Variants in MAP3K3 observed in about 807,000 individuals in gnomAD.
MAP3K3 encodes MAP/ERK kinase kinase 3.
In MAP3K3, 12 loss-of-function variants were observed where a neutral mutation model predicts 80.9. That is an observed-to-expected ratio of 0.15 (90% CI 0.10 to 0.24). The LOEUF (loss-of-function observed/expected upper bound fraction) is 0.24. MAP3K3 is among the 10% of genes least tolerant of loss of function. The pLI is 1.00. For synonymous variants in MAP3K3, 272 were observed against 307.1 expected (o/e 0.89, Z 1.19); for missense variants, 596 against 834.7 (o/e 0.71, Z 3.52).
intron 4 of MAP3K3, among the ~76,000 whole-genome samples, chr17:63,656,441 A>G (rs1385342357): frequency 1.6e-5 from 2 of 127,570 alleles, no homozygotes; most frequent in Non-Finnish European, 3.4e-5. Flanking sequence ...AGTCTCTACT[A>G]AAAAAAAAAA....
intron 6 of MAP3K3, among the ~76,000 whole-genome samples, chr17:63,673,433 T>C (rs1483693658): frequency 6.6e-6 from 1 of 152,106 alleles, no homozygotes; most frequent in African/African-American, 2.4e-5. Flanking sequence ...AAGTAATGAG[T>C]TAATCCAAAG....
chr17:63,689,399 G>C lies in MAP3K3; in HGVS notation c.872-145G>C. 1 of 654,148 alleles carries C rather than the reference G, an allele frequency of 1.5e-6. No homozygotes were observed. The highest frequency in any genetic ancestry group is 2.6e-6 in the Non-Finnish European group (1 of 384,232). The allele number at this position is 654,148 out of a possible 1,614,324, so 40.5% of individuals were successfully genotyped here. Reference sequence around the variant, plus strand: ...GGTGGGAGTGCGGACGGGATGGGCTGGAGCTGGTATTATCTATCACTTCTG... The same window carrying C: ...GGTGGGAGTGCGGACGGGATGGGCTCGAGCTGGTATTATCTATCACTTCTG... On this transcript the variant is annotated intron_variant, in intron 10 of 15. Coordinates refer to ENST00000361733, the MANE Select transcript of MAP3K3 (RefSeq NM_002401.5). This position sits in a 1 kb window ranked among gnomAD's most constrained non-coding sequence, Gnocchi z 4.3.
intron 11 of MAP3K3, 154 bp from the exon 12 acceptor site, chr17:63,690,110 G>A (rs2035553197): frequency 9.4e-6 from 8 of 848,492 alleles, no homozygotes; most frequent in Non-Finnish European, 3.7e-6. Context: ...CTAGGGCACT[G>A]GGCTTGCTCC....
chr17:63,677,461 CTT>C (rs1229049708), intron 6 of MAP3K3, among the ~76,000 whole-genome samples: 1 of 152,182 alleles, frequency 6.6e-6, no homozygotes, highest in African/African-American at 2.4e-5. Context: ...CATGATAAGA[CTT>C]AGGAAAACCA....
intron 5 of MAP3K3, among the ~76,000 whole-genome samples, chr17:63,663,174 G>A (rs1243094681): frequency 6.6e-6 from 1 of 152,120 alleles, no homozygotes; most frequent in East Asian, 1.9e-4. Flanking sequence ...TTTTCAAGGA[G>A]TTGGAGTCAC....
At chr17:63,690,872 G>T in intron 12 of MAP3K3, 1 of 564,150 alleles carries the variant, frequency 1.8e-6, no homozygotes, top group Non-Finnish European at 3.2e-6. Context: ...AAGCACCCAC[G>T]GCCCCTTCTC....
At chr17:63,671,786 A>G (rs2035114183) in intron 6 of MAP3K3, among the ~76,000 whole-genome samples, 1 of 152,194 alleles carries the variant, frequency 6.6e-6, no homozygotes, top group Non-Finnish European at 1.5e-5. Context: ...AGTAAATATC[A>G]GTTGATATAT....
chr17:63,689,464 G>T lies in MAP3K3; in HGVS notation c.872-80G>T, dbSNP rs943273891. On this transcript the variant is annotated intron_variant, in intron 10 of 15. Transcript: ENST00000361733. The surrounding 1 kb of genome is among the most constrained non-coding windows in gnomAD (Gnocchi z 4.3). ...TGTATATTCCGCCTTGTAGCCCGGG[G>T]TGTCTCAGACCTGGTTTGTACGTTC... is the stretch of plus-strand genomic sequence containing the variant. 3 of 1,244,306 alleles carry T rather than the reference G, an allele frequency of 2.4e-6. No homozygotes were observed. The highest frequency in any genetic ancestry group is 3.4e-6 in the Non-Finnish European group (3 of 891,150). The allele number at this position is 1,244,306 out of a possible 1,614,324, so 77.1% of individuals were successfully genotyped here.
intron 6 of MAP3K3, among the ~76,000 whole-genome samples, chr17:63,670,211 A>T (rs1312854019): frequency 1.3e-5 from 2 of 152,156 alleles, no homozygotes; most frequent in African/African-American, 2.4e-5. Context: ...GGAAAGACAG[A>T]CATTTACTTC....
At position 63,689,231 on chromosome 17, in the gene MAP3K3, G is replaced by C. The variant is rs930383719; in HGVS notation, c.872-313G>C. 1.9e-6 allele frequency: 1 copy of C among 526,268 alleles called. No individual in the cohort carries two copies. The highest frequency in any genetic ancestry group is 2.3e-5 in the South Asian group (1 of 42,774). The allele number at this position is 526,268 out of a possible 1,614,324, so 32.6% of individuals were successfully genotyped here. On this transcript the variant is annotated intron_variant, in intron 10 of 15. Coordinates refer to ENST00000361733, the MANE Select transcript of MAP3K3 (RefSeq NM_002401.5). This position sits in a 1 kb window ranked among gnomAD's most constrained non-coding sequence, Gnocchi z 4.3. ...AAATCAGTGCCTTCGGGTGTGGCTT[G>C]GCCTTGCAAGCAATTGGGAGCCTGT...
rs1302371138 is a variant in MAP3K3, at chr17:63,693,000, C to T, written c.1653-549C>T. 1.3e-5 allele frequency among the ~76,000 whole-genome samples: 2 copies of T among 152,150 alleles called. No individual in the cohort carries two copies. The highest frequency in any genetic ancestry group is 2.9e-5 in the Non-Finnish European group (2 of 68,034). ...ATTAAGGGTCCTTACAGAAGGGTCT[C>T]AAGAGGTCAGAGTGGCTAATAGGAG... On this transcript the variant is annotated intron_variant, in intron 15 of 15. Coordinates refer to ENST00000361733, the MANE Select transcript of MAP3K3 (RefSeq NM_002401.5). The surrounding 1 kb of genome is among the most constrained non-coding windows in gnomAD (Gnocchi z 4.5).
chr17:63,630,549 A>G (rs1211946654), intron 1 of MAP3K3, among the ~76,000 whole-genome samples: 1 of 151,834 alleles, frequency 6.6e-6, no homozygotes, highest in African/African-American at 2.4e-5. Context: ...CTGGTCTCGA[A>G]CTCCTGGGCT....
intron 6 of MAP3K3, among the ~76,000 whole-genome samples, chr17:63,672,118 A>ACCCAGGC (rs2035121790): frequency 6.6e-6 from 1 of 151,898 alleles, no homozygotes; most frequent in African/African-American, 2.4e-5. Context: ...CCCCGTCTCT[A>ACCCAGGC]TGAAAAATAC....
Position 63,691,611 on chromosome 17 carries a change from C to T in MAP3K3, c.1345-122C>T, listed in dbSNP as rs2035592137. The T allele has an allele frequency of 1.3e-5, 18 of 1,412,202 alleles. No homozygotes were observed. Among genetic ancestry groups the T allele is most frequent in the Non-Finnish European group, 1.5e-5 (16 of 1,042,088 alleles). The allele number at this position is 1,412,202 out of a possible 1,614,324, so 87.5% of individuals were successfully genotyped here. A position where few individuals can be genotyped will look rare whatever the true frequency, so the allele number is the denominator to read the frequency against. On this transcript the variant is annotated intron_variant, in intron 13 of 15. Transcript: ENST00000361733. The surrounding 1 kb of genome is among the most constrained non-coding windows in gnomAD (Gnocchi z 4.8). ...GCCTGACAGCTCCTGGCAAAATGCC[C>T]TGCCCAGCCAGATAGGAATTGAACA... is the stretch of plus-strand genomic sequence containing the variant.
rs1568134182 is a variant in MAP3K3, at chr17:63,655,045, T to A, written c.267+2389T>A. ...TGTCTCAAAAAACGATTAAAAAAAA[T>A]TATTTTATTTTATTTTTAAATAAAC... On this transcript the variant is annotated intron_variant, in intron 4 of 15. Coordinates refer to ENST00000361733, the MANE Select transcript of MAP3K3 (RefSeq NM_002401.5). 2.6e-5 allele frequency among the ~76,000 whole-genome samples: 4 copies of A among 152,026 alleles called. No homozygotes were observed. In the East Asian group the frequency reaches 7.7e-4, roughly 29 times the overall value.
intron 1 of MAP3K3, among the ~76,000 whole-genome samples, chr17:63,631,301 A>G (rs2034211094): frequency 2.6e-5 from 4 of 152,148 alleles, no homozygotes; most frequent in Non-Finnish European, 1.5e-5. Context: ...CAGTCAGTCA[A>G]TCAGTTAATC....
At position 63,689,797 on chromosome 17, in the gene MAP3K3, C is replaced by A. The variant is rs1219901582; in HGVS notation, c.1063+62C>A. The A allele has an allele frequency of 2.0e-6, 3 of 1,496,964 alleles. No individual in the cohort carries two copies. The Admixed American group carries it at 6.2e-5, about 31-fold the overall frequency. The allele number at this position is 1,496,964 out of a possible 1,614,324, so 92.7% of individuals were successfully genotyped here. A position where few individuals can be genotyped will look rare whatever the true frequency, so the allele number is the denominator to read the frequency against. ...GGTGGTCTCAGACAAGCTACGGGGGCAAACAGCTGGGCCCCTGGGACCCTT... is the reference window on the plus strand; with the variant it reads ...GGTGGTCTCAGACAAGCTACGGGGGAAAACAGCTGGGCCCCTGGGACCCTT... On this transcript the variant is annotated intron_variant, in intron 11 of 15. Transcript: ENST00000361733. This position sits in a 1 kb window ranked among gnomAD's most constrained non-coding sequence, Gnocchi z 4.3.
chr17:63,652,733 T>C, intron 4 of MAP3K3, 77 bp downstream of exon 4: 1 of 941,976 alleles, frequency 1.1e-6, no homozygotes, highest in East Asian at 2.6e-5. Context: ...CCAGAGCCTT[T>C]AAAGTTTGTT....
intron 8 of MAP3K3, among the ~76,000 whole-genome samples, chr17:63,686,433 T>C (rs1056746431): frequency 2.0e-5 from 3 of 152,226 alleles, no homozygotes; most frequent in African/African-American, 7.2e-5. Context: ...TGGGGCTTGC[T>C]TTCCAACCAG....
Sources: gnomAD v4.1 joint callset for allele counts (sites outside exome capture counted in the v4.1 genomes callset) on GRCh38, gnomAD v4.1.1 for gene constraint, Gnocchi (gnomAD v3.1) non-coding constraint, MANE v1.5 for transcripts, NCBI Gene and HGNC (gene_info 2026-07-23, HGNC 2026-07-21) for gene names.